POLR3G: variants seen among roughly 807,000 people sequenced by gnomAD.
The protein encoded by POLR3G is DNA-directed RNA polymerase III subunit RPC7.
Under a neutral mutation model 30.1 loss-of-function variants are expected in POLR3G, and 28 were observed. That is an observed-to-expected ratio of 0.93 (90% confidence interval 0.69 to 1.27). The LOEUF is 1.27. POLR3G is among the 50% of genes most tolerant of loss of function. The pLI is 0.00. For synonymous variants in POLR3G, 79 were observed against 82.5 expected, an observed-to-expected ratio of 0.96 and a Z score of 0.23; for missense variants, 254 against 264.6, an observed-to-expected ratio of 0.96 and a Z score of 0.28.
intron 3 of POLR3G, among the ~76,000 whole-genome samples, chr5:90,493,823 G>T (rs368251868): frequency 6.7e-6 from 1 of 148,516 alleles, no homozygotes; most frequent in South Asian, 2.1e-4. Context: ...TTCTCTTGCC[G>T]CAGTCTCCCA....
chr5:90,507,841 C>G (rs1015999488), intron 7 of POLR3G, among the ~76,000 whole-genome samples: 1 of 152,168 alleles, frequency 6.6e-6, no homozygotes, highest in Non-Finnish European at 1.5e-5. Context: ...TTCCATTGCT[C>G]TCTGACATGA....
In POLR3G at chr5:90,513,170, G is replaced by T. The variant is rs1463162397; in HGVS notation, c.*1031G>T. The T allele has an allele frequency of 6.6e-6, 1 of 152,418 alleles. No homozygotes were observed. The highest frequency in any genetic ancestry group is 1.5e-5 in the Non-Finnish European group (1 of 67,944). 9.4% of individuals were successfully genotyped at this position (152,418 alleles called of 1,614,324 possible). On this transcript the variant is annotated 3_prime_UTR_variant, in exon 8 of 8. Coordinates refer to ENST00000651687, the MANE Select transcript of POLR3G (RefSeq NM_006467.3). ...TCAGCCTACAAAGACTCTCAGAAAT[G>T]CCAAAGATTTTCAAGGAAATTCATA...
At chr5:90,478,211 C>T (rs1356043275) in intron 1 of POLR3G, among the ~76,000 whole-genome samples, 1 of 152,162 alleles carries the variant, frequency 6.6e-6, no homozygotes, top group Non-Finnish European at 1.5e-5. Context: ...TTTTTTATTT[C>T]AGCTCTTGGA....
chr5:90,474,219 T>A, upstream of POLR3G: 1 of 1,613,076 alleles, frequency 6.2e-7, no homozygotes, highest in Non-Finnish European at 8.5e-7. Flanking sequence ...GTTGCCCGAC[T>A]CGTAGAAACG....
At chr5:90,474,601 G>C, upstream of POLR3G, 1 of 404,974 alleles carries the variant, frequency 2.5e-6, no homozygotes, top group South Asian at 2.5e-5. Flanking sequence ...CTTTAACGCA[G>C]GGGCCACTGC....
intron 1 of POLR3G, among the ~76,000 whole-genome samples, chr5:90,479,536 C>A (rs1360555090): frequency 6.6e-6 from 1 of 152,064 alleles, no homozygotes; most frequent in South Asian, 2.1e-4. Context: ...TGGAAAAGAT[C>A]AATTTCCCAA....
At chr5:90,502,618 T>C (rs1195086773) in intron 6 of POLR3G, among the ~76,000 whole-genome samples, 2 of 152,096 alleles carry the variant, frequency 1.3e-5, no homozygotes, top group Non-Finnish European at 2.9e-5. Context: ...TCCCTTCCTA[T>C]AGACAACCAA....
At chr5:90,497,577 G>T (rs1166476756) in intron 4 of POLR3G, 79 bp from the exon 5 acceptor site, 1 of 1,481,196 alleles carries the variant, frequency 6.8e-7, no homozygotes, top group Non-Finnish European at 9.0e-7. Context: ...GACAACTGTT[G>T]TGTCCTTCAA....
chr5:90,474,170 G>T, upstream of POLR3G: 1 of 1,603,198 alleles, frequency 6.2e-7, no homozygotes, highest in Non-Finnish European at 8.5e-7. Flanking sequence ...CGATCACCAC[G>T]TCCTGCTCGG....
intron 2 of POLR3G, among the ~76,000 whole-genome samples, chr5:90,486,259 C>T (rs1751434573): frequency 6.6e-6 from 1 of 152,118 alleles, no homozygotes; most frequent in Non-Finnish European, 1.5e-5. Flanking sequence ...GGAGTCTCTG[C>T]GTTTTGCTCT....
intron 1 of POLR3G, among the ~76,000 whole-genome samples, chr5:90,482,904 G>A (rs1751216727): frequency 6.6e-6 from 1 of 152,150 alleles, no homozygotes. Context: ...ACTTTGGGAG[G>A]CCAAGGCGGG....
intron 6 of POLR3G, among the ~76,000 whole-genome samples, chr5:90,504,754 G>A (rs1283140876): frequency 6.6e-6 from 1 of 152,018 alleles, no homozygotes; most frequent in African/African-American, 2.4e-5. Flanking sequence ...GATTAAAATA[G>A]TAAAAAAATA....
chr5:90,481,097 G>A (rs145118946), intron 1 of POLR3G, among the ~76,000 whole-genome samples: 3,711 of 152,092 alleles, frequency 0.024, 69 homozygotes, highest in Non-Finnish European at 0.037. Context: ...CAGAAAGAAA[G>A]ATAAAATTTG....
chr5:90,504,828 T>G (rs1752414834), intron 6 of POLR3G, among the ~76,000 whole-genome samples: 1 of 152,220 alleles, frequency 6.6e-6, no homozygotes, highest in Non-Finnish European at 1.5e-5. Context: ...AAAAGATCCA[T>G]AAGCACGATT....
chr5:90,494,639 G>A (rs989893646), intron 3 of POLR3G, among the ~76,000 whole-genome samples: 1 of 151,922 alleles, frequency 6.6e-6, no homozygotes, highest in African/African-American at 2.4e-5. Flanking sequence ...GTAATGATTG[G>A]TGATGTTGGA....
chr5:90,506,676 T>G lies in POLR3G; in HGVS notation c.585+2T>G. 1 of 1,599,346 alleles carries G rather than the reference T, an allele frequency of 6.3e-7. No homozygotes were observed. The highest frequency in any genetic ancestry group is 8.5e-7 in the Non-Finnish European group (1 of 1,172,922). ...TATGATGAAGAAGAGCAAGAAGAGGTAATGGTTCATTTGGGGATGGTAGCA... is the reference window on the plus strand; with the variant it reads ...TATGATGAAGAAGAGCAAGAAGAGGGAATGGTTCATTTGGGGATGGTAGCA... On this transcript the variant is annotated splice_donor_variant, in intron 7 of 7. Coordinates refer to ENST00000651687, the MANE Select transcript of POLR3G (RefSeq NM_006467.3). LOFTEE classifies it high-confidence loss of function.
intron 4 of POLR3G, among the ~76,000 whole-genome samples, chr5:90,496,360 A>G (rs746911731): frequency 6.6e-6 from 1 of 152,256 alleles, no homozygotes; most frequent in African/African-American, 2.4e-5. Context: ...TTAATTTGTA[A>G]TACCAGAAAG....
intron 1 of POLR3G, among the ~76,000 whole-genome samples, chr5:90,483,457 G>T (rs116312667): frequency 0.016 from 2,431 of 152,274 alleles, 59 homozygotes; most frequent in African/African-American, 0.056. Context: ...TTGAATATAT[G>T]ATTTGCTTCT....
At chr5:90,493,108 T>C (rs1387397005) in intron 3 of POLR3G, among the ~76,000 whole-genome samples, 1 of 152,242 alleles carries the variant, frequency 6.6e-6, no homozygotes, top group Non-Finnish European at 1.5e-5. Flanking sequence ...TAGGTTTGTA[T>C]GTGGCAGCCG....
Sources: gnomAD v4.1 joint callset for allele counts (sites outside exome capture counted in the v4.1 genomes callset) on GRCh38, gnomAD v4.1.1 for gene constraint, MANE v1.5 for transcripts, NCBI Gene and HGNC (gene_info 2026-07-23, HGNC 2026-07-21) for gene names.